Variants in BFSP1 observed in about 807,000 individuals in gnomAD.
The protein encoded by BFSP1 is filensin.
A neutral mutation model predicts 43.9 loss-of-function variants in BFSP1; 38 were observed. That is an observed-to-expected ratio of 0.87 (90% confidence interval 0.67 to 1.14). BFSP1 has a LOEUF of 1.14. BFSP1 is among the 50% of genes most tolerant of loss of function. The probability of loss-of-function intolerance (pLI) is 0.00; values close to 1 mark genes in which losing one functional copy is unlikely to be tolerated. For synonymous variants in BFSP1, 352 were observed against 354.8 expected, an observed-to-expected ratio of 0.99 and a Z score of 0.09; for missense variants, 850 against 875.1, an observed-to-expected ratio of 0.97 and a Z score of 0.36.
Position 17,531,276 on chromosome 20 carries a change from G to A in BFSP1, c.54C>T (p.Ala18=), listed in dbSNP as rs761225289. ...GCTCGGCGGCGCGCGAAGCCTCGTC[G>A]GCGTGCTCGTACTGCTCCTTGCGGG... ...FQTRKEQYEH[A]DEASRAAEPE... Residue 18 remains alanine (A), a synonymous_variant, in exon 1 of 8, where the codon GCC becomes GCT. Coordinates refer to ENST00000377873, the MANE Select transcript of BFSP1 (RefSeq NM_001195.5). 6 of 1,459,474 alleles carry A rather than the reference G, an allele frequency of 4.1e-6. No individual in the cohort carries two copies. Among genetic ancestry groups the A allele is most frequent in the Middle Eastern group, 2.1e-4 (1 of 4,800 alleles). The allele number at this position is 1,459,474 out of a possible 1,614,324, so 90.4% of individuals were successfully genotyped here.
At chr20:17,567,717 C>T (rs892728562) in intron 1 of BFSP1, among the ~76,000 whole-genome samples, 1 of 151,864 alleles carries the variant, frequency 6.6e-6, no homozygotes. Flanking sequence ...CAAAATTAGC[C>T]GGGTGTGGTG....
chr20:17,499,529 G>A (rs576799670), intron 5 of BFSP1, among the ~76,000 whole-genome samples: 8 of 151,270 alleles, frequency 5.3e-5, no homozygotes, highest in Non-Finnish European at 1.0e-4. Flanking sequence ...TTACAGGTGC[G>A]AGTCACCGCA....
upstream of BFSP1, among the ~76,000 whole-genome samples, chr20:17,559,344 A>G (rs2035045493): frequency 6.6e-6 from 1 of 152,246 alleles, no homozygotes; most frequent in Admixed American, 6.5e-5. Flanking sequence ...CGTTAGTATT[A>G]CTAGAACAGG....
At chr20:17,511,488 C>G (rs1559957) in intron 4 of BFSP1, among the ~76,000 whole-genome samples, 2,138 of 152,280 alleles carry the variant, frequency 0.014, 55 homozygotes, top group South Asian at 0.11. Flanking sequence ...AAGAAGCTAT[C>G]CGGATGGCAG....
chr20:17,561,923 T>A (rs80038195), upstream of BFSP1, among the ~76,000 whole-genome samples: 25 of 152,146 alleles, frequency 1.6e-4, no homozygotes, highest in African/African-American at 4.3e-4. Flanking sequence ...TACTTTTTTT[T>A]AATTTGTTTT....
At chr20:17,568,745 TCC>T (rs1483365697) in intron 1 of BFSP1, among the ~76,000 whole-genome samples, 6 of 152,100 alleles carry the variant, frequency 3.9e-5, no homozygotes, top group African/African-American at 1.2e-4. Flanking sequence ...AGAAATGGGT[TCC>T]TATGTTGAGT....
intron 5 of BFSP1, among the ~76,000 whole-genome samples, chr20:17,504,836 C>T (rs1012827679): frequency 2.6e-5 from 4 of 152,054 alleles, no homozygotes; most frequent in Admixed American, 6.5e-5. Context: ...AGGAGCCTGA[C>T]GCGAGCCCCA....
At chr20:17,554,886 C>T (rs1021286711) in intron 1 of BFSP1, among the ~76,000 whole-genome samples, 1 of 152,114 alleles carries the variant, frequency 6.6e-6, no homozygotes, top group Non-Finnish European at 1.5e-5. Flanking sequence ...AGATGGCTGG[C>T]TATAAGACTA....
In BFSP1 at chr20:17,531,117, C is replaced by T; in HGVS notation, c.213G>A (p.Gln71=). 1 of 1,338,468 alleles carries T rather than the reference C, an allele frequency of 7.5e-7. No homozygotes were observed. Among genetic ancestry groups the T allele is most frequent in the Non-Finnish European group, 9.5e-7 (1 of 1,048,022 alleles). The allele number at this position is 1,338,468 out of a possible 1,614,324, so 82.9% of individuals were successfully genotyped here. ...CGCCCAGGCGCTGGAAGGCATCCAGCTGCCTCCGGAGCCCGGCATGGCGCT... is the reference window on the plus strand; with the variant it reads ...CGCCCAGGCGCTGGAAGGCATCCAGTTGCCTCCGGAGCCCGGCATGGCGCT... ...LEQRHAGLRR[Q]LDAFQRLGEL... is the part of the protein sequence containing the mutation. The change falls in exon 1 of 8, where the codon CAG becomes CAA. Residue 71 remains glutamine, a synonymous_variant. Transcript: ENST00000377873.
upstream of BFSP1, chr20:17,531,383 C>A: frequency 2.3e-6 from 3 of 1,291,056 alleles, no homozygotes; most frequent in African/African-American, 3.1e-5. Flanking sequence ...CCAGGAGGCC[C>A]CCGGCGCAGC....
Position 17,494,815 on chromosome 20 carries a change from T to A in BFSP1, c.1257A>T (p.Val419=). 1 of 1,614,218 alleles carries A rather than the reference T, an allele frequency of 6.2e-7. No individual in the cohort carries two copies. Among genetic ancestry groups the A allele is most frequent in the South Asian group, 1.1e-5 (1 of 91,072 alleles). The change falls in exon 8 of 8, where the codon GTA becomes GTT. Residue 419 remains valine, a synonymous_variant. Coordinates refer to ENST00000377873, the MANE Select transcript of BFSP1 (RefSeq NM_001195.5). The part of the protein sequence containing the change: ...ESKFESESKE[V]SPLTQEGAPE... Reference sequence around the variant, plus strand: ...GAGCCCCTTCTTGTGTCAGGGGACTTACTTCTTTACTTTCTGATTCAAACT... The same window carrying A: ...GAGCCCCTTCTTGTGTCAGGGGACTAACTTCTTTACTTTCTGATTCAAACT...
intron 2 of BFSP1, among the ~76,000 whole-genome samples, chr20:17,524,142 C>G (rs2034372424): frequency 6.6e-6 from 1 of 152,172 alleles, no homozygotes; most frequent in Admixed American, 6.5e-5. Flanking sequence ...AGAAAAGGGC[C>G]ATGCTTAAAG....
upstream of BFSP1, among the ~76,000 whole-genome samples, chr20:17,562,323 G>C (rs1206096840): frequency 6.9e-6 from 1 of 145,336 alleles, no homozygotes; most frequent in Admixed American, 6.9e-5. Context: ...CAGGAGTTTT[G>C]AGACCAGCCT....
intron 2 of BFSP1, among the ~76,000 whole-genome samples, chr20:17,518,283 T>C (rs1600655046): frequency 6.6e-6 from 1 of 152,236 alleles, no homozygotes; most frequent in East Asian, 1.9e-4. Context: ...GAAATCTAAC[T>C]ATGGGACTTA....
chr20:17,516,925 C>T, intron 2 of BFSP1: 1 of 719,748 alleles, frequency 1.4e-6, no homozygotes, highest in Non-Finnish European at 2.5e-6. Context: ...AATATAAAGG[C>T]CAAGACCCAG....
At chr20:17,550,517 G>A (rs1600681877) in intron 1 of BFSP1, among the ~76,000 whole-genome samples, 1 of 149,486 alleles carries the variant, frequency 6.7e-6, no homozygotes, top group Non-Finnish European at 1.5e-5. Flanking sequence ...CAGGCTGGAG[G>A]GCAATGGCGT....
chr20:17,502,912 C>A (rs1218268594), intron 5 of BFSP1, among the ~76,000 whole-genome samples: 7 of 152,144 alleles, frequency 4.6e-5, no homozygotes, highest in African/African-American at 1.7e-4. Context: ...AGCCCCAAAT[C>A]TCAAAGAAGT....
rs1426131223 is a variant in BFSP1 at position 17,507,481 on chromosome 20, G to A, written c.735+1408C>T. ...GAGTTCATTTTACATCCAAAAATGA[G>A]TTGTCACTAGCCATTTGGAAAACAC... On this transcript the variant is annotated intron_variant, in intron 5 of 7. Coordinates refer to ENST00000377873, the MANE Select transcript of BFSP1 (RefSeq NM_001195.5). The surrounding 1 kb of genome is among the most constrained non-coding windows in gnomAD (Gnocchi z 4.4). Among the ~76,000 whole-genome samples the A allele has an allele frequency of 6.6e-6, 1 of 151,996 alleles. No homozygotes were observed. The highest frequency in any genetic ancestry group is 1.5e-5 in the Non-Finnish European group (1 of 68,016).
At chr20:17,497,562 G>C (rs6044853) in intron 6 of BFSP1, among the ~76,000 whole-genome samples, 2 of 51,840 alleles carry the variant, frequency 3.9e-5, no homozygotes, top group Non-Finnish European at 6.7e-5. Context: ...ATGTATATGT[G>C]TGTGTATATG....
Sources: gnomAD v4.1 joint callset for allele counts (sites outside exome capture counted in the v4.1 genomes callset) on GRCh38, gnomAD v4.1.1 for gene constraint, Gnocchi (gnomAD v3.1) non-coding constraint, MANE v1.5 for transcripts, NCBI Gene and HGNC (gene_info 2026-07-23, HGNC 2026-07-21) for gene names.